Variants in UBE3C observed in about 807,000 individuals in gnomAD.
The protein encoded by UBE3C is ubiquitin-protein ligase E3C.
In UBE3C, 42 loss-of-function variants were observed where a neutral mutation model predicts 129.4. The observed-to-expected ratio is 0.32, with a 90% confidence interval of 0.25 to 0.42. The LOEUF (loss-of-function observed/expected upper bound fraction) is 0.42, where lower values mean the gene tolerates loss of function less well. UBE3C is among the 10% of genes least tolerant of loss of function. The pLI, the probability that UBE3C is intolerant of heterozygous loss-of-function variation, is 1.00. For synonymous variants in UBE3C, 510 were observed against 492.4 expected (o/e 1.04, Z -0.47); for missense variants, 1,049 against 1,319.1 (o/e 0.80, Z 3.17).
Position 157,184,036 on chromosome 7 carries a change from C to G in UBE3C, c.1143+7C>G. 2 of 1,613,116 alleles carry G rather than the reference C, an allele frequency of 1.2e-6. No homozygotes were observed. The highest frequency in any genetic ancestry group is 1.7e-6 in the Non-Finnish European group (2 of 1,179,336). On this transcript the variant is annotated splice_region_variant and intron_variant, in intron 9 of 22. Coordinates refer to ENST00000348165, the MANE Select transcript of UBE3C (RefSeq NM_014671.3). ...CGACAAGCCCTCAAGCCCGGTAAGC[C>G]CCGTGCCCTGCATCTGGGGGGCTGC...
intron 21 of UBE3C, among the ~76,000 whole-genome samples, chr7:157,254,809 G>A (rs538772582): frequency 3.3e-5 from 5 of 151,998 alleles, no homozygotes; most frequent in Non-Finnish European, 7.4e-5. Context: ...GGAGGCCGGG[G>A]CAGGTGGATC....
intron 17 of UBE3C, among the ~76,000 whole-genome samples, chr7:157,227,425 G>A (rs1456358903): frequency 1.3e-5 from 2 of 152,076 alleles, no homozygotes; most frequent in Non-Finnish European, 2.9e-5. Flanking sequence ...TGGGCGTGGC[G>A]CAGTGGCTCA....
At chr7:157,227,368 C>T (rs891091099) in intron 17 of UBE3C, among the ~76,000 whole-genome samples, 2 of 152,052 alleles carry the variant, frequency 1.3e-5, no homozygotes, top group African/African-American at 4.8e-5. Context: ...GAGTAGAATG[C>T]GTTTCTTACT....
intron 10 of UBE3C, among the ~76,000 whole-genome samples, chr7:157,197,131 A>G (rs1809142951): frequency 6.6e-6 from 1 of 152,250 alleles, no homozygotes. Context: ...TAATTATTGT[A>G]TGATCAAACA....
At position 157,254,057 on chromosome 7, in the gene UBE3C, G is replaced by A. The variant is rs992981687; in HGVS notation, c.2798G>A (p.Arg933His). 8.1e-6 allele frequency: 13 copies of A among 1,613,476 alleles called. No individual in the cohort carries two copies. The highest frequency in any genetic ancestry group is 1.0e-5 in the Non-Finnish European group (12 of 1,179,806). ...GACTACAGGCTGAACAGGCAGATCC[G>A]CCAGCACTGCCTGGCTTTCCGCCAG... The part of the protein sequence containing the change: ...VADYRLNRQI[R>H]QHCLAFRQGL... Residue 933 changes from arginine to histidine, a missense_variant, in exon 20 of 23, where the codon CGC becomes CAC. Coordinates refer to ENST00000348165, the MANE Select transcript of UBE3C (RefSeq NM_014671.3).
At position 157,269,328 on chromosome 7, in the gene UBE3C, G is replaced by T. The variant is rs1797163484; in HGVS notation, c.*1573G>T. The T allele has an allele frequency of 6.6e-6, 1 of 152,164 alleles. No homozygotes were observed. Among genetic ancestry groups the T allele is most frequent in the African/African-American group, 2.4e-5 (1 of 41,410 alleles). 9.4% of individuals were successfully genotyped at this position (152,164 alleles called of 1,614,324 possible). A position where few individuals can be genotyped will look rare whatever the true frequency, so the allele number is the denominator to read the frequency against. ...TCTGAGCTTATTTATTTATTTGTAT[G>T]TTCTAATGGCTAAACATTTACATTA... On this transcript the variant is annotated 3_prime_UTR_variant, in exon 23 of 23. Transcript: ENST00000348165.
chr7:157,220,062 T>C (rs1410950118), intron 14 of UBE3C, among the ~76,000 whole-genome samples: 1 of 152,076 alleles, frequency 6.6e-6, no homozygotes, highest in East Asian at 1.9e-4. Context: ...AGTACAAAAA[T>C]TAACCAGGCG....
At chr7:157,187,584 GT>G (rs11406459) in intron 10 of UBE3C, among the ~76,000 whole-genome samples, 73 of 142,440 alleles carry the variant, frequency 5.1e-4, no homozygotes, top group Admixed American at 2.2e-3. Context: ...TTTGTTTTTT[GT>G]TTTTTTTTTT....
In UBE3C at chr7:157,227,878, T is replaced by G. The variant is rs541711921; in HGVS notation, c.2233+2339T>G. ...ATTGAAGTTAAAAGATTTGGAAGAATCTTCTCATATTGTTTATACTGTAAT... is the reference window on the plus strand; with the variant it reads ...ATTGAAGTTAAAAGATTTGGAAGAAGCTTCTCATATTGTTTATACTGTAAT... On this transcript the variant is annotated intron_variant, in intron 17 of 22. Transcript: ENST00000348165. 1.8e-4 allele frequency among the ~76,000 whole-genome samples: 27 copies of G among 152,344 alleles called. 1 individual carries two copies. In the South Asian group the frequency reaches 5.6e-3, roughly 32 times the overall value.
At chr7:157,198,517 G>A (rs778211257) in intron 10 of UBE3C, 8 of 363,092 alleles carry the variant, frequency 2.2e-5, no homozygotes, top group East Asian at 1.3e-4. Context: ...GCCATCTTCC[G>A]CTGGCTGTAT....
At chr7:157,165,500 C>T (rs112643901) in intron 2 of UBE3C, among the ~76,000 whole-genome samples, 4,543 of 151,352 alleles carry the variant, frequency 0.03, 199 homozygotes, top group East Asian at 0.19. Context: ...CAGGTTCAAG[C>T]GATTCTCCTG....
intron 17 of UBE3C, among the ~76,000 whole-genome samples, chr7:157,225,914 T>C (rs181533568): frequency 6.6e-6 from 1 of 152,320 alleles, no homozygotes; most frequent in East Asian, 1.9e-4. Flanking sequence ...ATTGTGCTAC[T>C]GCTCAGGCCT....
chr7:157,168,016 C>T (rs1360896879), intron 2 of UBE3C, among the ~76,000 whole-genome samples: 1 of 152,134 alleles, frequency 6.6e-6, no homozygotes, highest in Non-Finnish European at 1.5e-5. Flanking sequence ...AAAATAGATG[C>T]TGGTGTTGTC....
chr7:157,142,127 A>G (rs1347299397), intron 1 of UBE3C, among the ~76,000 whole-genome samples: 1 of 152,106 alleles, frequency 6.6e-6, no homozygotes, highest in African/African-American at 2.4e-5. Context: ...CCTGACAACT[A>G]ATTATGTTGA....
chr7:157,221,995 A>G (rs1795750850), intron 15 of UBE3C: 1 of 151,894 alleles, frequency 6.6e-6, no homozygotes, highest in Non-Finnish European at 1.5e-5. Context: ...GTAGCTTCCA[A>G]AGTAGTTGTG....
In UBE3C at chr7:157,267,852, G is replaced by C; in HGVS notation, c.*97G>C. On this transcript the variant is annotated 3_prime_UTR_variant, in exon 23 of 23. Coordinates refer to ENST00000348165, the MANE Select transcript of UBE3C (RefSeq NM_014671.3). The stretch of plus-strand genomic sequence containing the variant: ...GAGGATACTCACACTGCACGCCTGA[G>C]GCTCTCCTAAGCTCCTTCTTTCATT... 1 of 1,092,200 alleles carries C rather than the reference G, an allele frequency of 9.2e-7. No individual in the cohort carries two copies. The highest frequency in any genetic ancestry group is 2.7e-5 in the East Asian group (1 of 36,486). The allele number at this position is 1,092,200 out of a possible 1,614,324, so 67.7% of individuals were successfully genotyped here.
intron 19 of UBE3C, among the ~76,000 whole-genome samples, chr7:157,252,963 C>A (rs1175058073): frequency 6.6e-6 from 1 of 152,094 alleles, no homozygotes; most frequent in Non-Finnish European, 1.5e-5. Flanking sequence ...AACTCCTGGG[C>A]TTAAGGGATC....
intron 10 of UBE3C, among the ~76,000 whole-genome samples, chr7:157,194,663 A>G (rs1809066973): frequency 6.6e-6 from 1 of 152,194 alleles, no homozygotes; most frequent in Non-Finnish European, 1.5e-5. Context: ...AGCAGAGAAT[A>G]CCTCGATTGC....
intron 17 of UBE3C, among the ~76,000 whole-genome samples, chr7:157,228,075 A>G (rs1235909346): frequency 6.6e-6 from 1 of 152,258 alleles, no homozygotes; most frequent in Non-Finnish European, 1.5e-5. Flanking sequence ...AAATTTACAT[A>G]TAATCAACTA....
Sources: gnomAD v4.1 joint callset for allele counts (sites outside exome capture counted in the v4.1 genomes callset) on GRCh38, gnomAD v4.1.1 for gene constraint, MANE v1.5 for transcripts, NCBI Gene and HGNC (gene_info 2026-07-23, HGNC 2026-07-21) for gene names.